Variants in PDE8B observed in about 807,000 individuals in gnomAD.
PDE8B encodes the protein phosphodiesterase 8B.
Under a neutral mutation model 101.3 loss-of-function variants are expected in PDE8B, and 26 were observed. That is an observed-to-expected ratio of 0.26 (90% CI 0.19 to 0.36). PDE8B has a LOEUF of 0.36. Ranked by LOEUF, PDE8B falls within the 10% of genes least tolerant of loss-of-function variation. PDE8B has a pLI of 1.00. For missense variants in PDE8B, 810 were observed against 1,163.1 expected (o/e 0.70, Z 4.42); for synonymous variants, 424 against 429.3 (o/e 0.99, Z 0.15).
chr5:77,269,871 A>G (rs914381552), intron 1 of PDE8B, among the ~76,000 whole-genome samples: 2 of 152,128 alleles, frequency 1.3e-5, no homozygotes, highest in East Asian at 1.9e-4. Context: ...TTTGGTTACT[A>G]TAGCTCTGGA....
intron 10 of PDE8B, among the ~76,000 whole-genome samples, chr5:77,366,750 G>T (rs1295011035): frequency 1.3e-5 from 2 of 152,188 alleles, no homozygotes; most frequent in Non-Finnish European, 2.9e-5. Flanking sequence ...TGTCTGAACA[G>T]TGGCCCCAGA....
chr5:77,147,042 G>C, the PDE8B span: 1 of 450,764 alleles, frequency 2.2e-6, no homozygotes, highest in South Asian at 1.7e-5. Context: ...ATATGAAAAG[G>C]ATATTGCCTC....
At chr5:77,169,991 C>CTGAAT in the PDE8B span, among the ~76,000 whole-genome samples, 1 of 152,146 alleles carries the variant, frequency 6.6e-6, no homozygotes, top group Non-Finnish European at 1.5e-5. Context: ...AGACATGTTC[C>CTGAAT]TGAATTGGTG....
chr5:77,178,258 A>G, the PDE8B span, among the ~76,000 whole-genome samples: 1 of 151,904 alleles, frequency 6.6e-6, no homozygotes, highest in Admixed American at 6.6e-5. Context: ...TTTGTTTTCC[A>G]TTTAACTTAT....
the PDE8B span, among the ~76,000 whole-genome samples, chr5:77,116,876 A>G: frequency 2.6e-5 from 4 of 152,078 alleles, no homozygotes; most frequent in Non-Finnish European, 2.9e-5. Flanking sequence ...TGACACTCCA[A>G]CCCTCTTCAA....
intron 10 of PDE8B, among the ~76,000 whole-genome samples, chr5:77,395,141 GA>G (rs1275677391): frequency 6.6e-6 from 1 of 151,892 alleles, no homozygotes; most frequent in East Asian, 1.9e-4. Flanking sequence ...TTTTGAGACA[GA>G]GTCTCACTCT....
At chr5:77,304,508 T>C (rs1412935882) in intron 1 of PDE8B, among the ~76,000 whole-genome samples, 1 of 152,186 alleles carries the variant, frequency 6.6e-6, no homozygotes, top group East Asian at 1.9e-4. Flanking sequence ...TCTTTGCTTT[T>C]TTTTGTTTTG....
intron 1 of PDE8B, among the ~76,000 whole-genome samples, chr5:77,269,558 G>C (rs1052874814): frequency 6.6e-6 from 1 of 152,110 alleles, no homozygotes; most frequent in East Asian, 1.9e-4. Flanking sequence ...CCAGTCCAAT[G>C]TTCTGGAGAG....
At chr5:77,161,820 CT>C in the PDE8B span, among the ~76,000 whole-genome samples, 2 of 151,708 alleles carry the variant, frequency 1.3e-5, no homozygotes, top group East Asian at 3.8e-4. Context: ...TTCTAGCAGA[CT>C]TTTTTTTGGT....
intron 1 of PDE8B, among the ~76,000 whole-genome samples, chr5:77,288,703 C>T (rs1040675806): frequency 6.6e-6 from 1 of 152,114 alleles, no homozygotes; most frequent in Non-Finnish European, 1.5e-5. Context: ...ATGTTTAACT[C>T]TCTTGTTTTA....
intron 1 of PDE8B, among the ~76,000 whole-genome samples, chr5:77,254,680 A>C (rs918749148): frequency 1.3e-5 from 2 of 152,230 alleles, no homozygotes; most frequent in East Asian, 3.8e-4. Flanking sequence ...AATGAAAAGA[A>C]TCATAATTGG....
chr5:77,206,590 G>A (rs933082538), upstream of PDE8B, among the ~76,000 whole-genome samples: 4 of 152,208 alleles, frequency 2.6e-5, no homozygotes, highest in Admixed American at 6.5e-5. Context: ...GAGAGACAAT[G>A]AGGAGGCTGG....
chr5:77,293,127 CAT>C (rs1210418700), intron 1 of PDE8B, among the ~76,000 whole-genome samples: 5 of 152,072 alleles, frequency 3.3e-5, no homozygotes, highest in Admixed American at 6.6e-5. Context: ...TATAAAATGA[CAT>C]TTTTATTACA....
the PDE8B span, among the ~76,000 whole-genome samples, chr5:77,187,798 T>C: frequency 6.6e-6 from 1 of 152,158 alleles, no homozygotes; most frequent in Non-Finnish European, 1.5e-5. Context: ...ATTAAGACAA[T>C]TACACTGAGG....
chr5:77,288,836 C>G (rs1766617064), intron 1 of PDE8B, among the ~76,000 whole-genome samples: 3 of 142,196 alleles, frequency 2.1e-5, no homozygotes, highest in Non-Finnish European at 4.6e-5. Flanking sequence ...TTGCTGCCCC[C>G]ATCTTTTTTT....
At chr5:77,272,882 C>A (rs1416713787) in intron 1 of PDE8B, among the ~76,000 whole-genome samples, 11 of 152,012 alleles carry the variant, frequency 7.2e-5, no homozygotes, top group Non-Finnish European at 1.5e-4. Context: ...GTAGAAAGTT[C>A]ATTATTTTTT....
At chr5:77,406,030 T>C (rs142287479) in intron 12 of PDE8B, among the ~76,000 whole-genome samples, 2,123 of 152,272 alleles carry the variant, frequency 0.014, 29 homozygotes, top group Non-Finnish European at 0.022. Flanking sequence ...CTCATGCCTG[T>C]GATCCCAGCA....
intron 14 of PDE8B, among the ~76,000 whole-genome samples, chr5:77,411,284 C>G (rs1794514190): frequency 6.6e-6 from 1 of 152,124 alleles, no homozygotes; most frequent in Non-Finnish European, 1.5e-5. Context: ...AAATGTAAGT[C>G]AAAAACACAA....
At chr5:77,097,913 C>T in the PDE8B span, among the ~76,000 whole-genome samples, 1 of 150,076 alleles carries the variant, frequency 6.7e-6, no homozygotes, top group African/African-American at 2.4e-5. Context: ...GTGAATGATC[C>T]CGTACCGGAA....
Sources: allele counts gnomAD v4.1 joint callset (sites outside exome capture counted in the v4.1 genomes callset), GRCh38; gene constraint gnomAD v4.1.1; transcripts MANE v1.5; gene names NCBI Gene and HGNC (gene_info 2026-07-23, HGNC 2026-07-21).